Variants in P2RY13 observed in about 807,000 individuals in gnomAD.
P2RY13 encodes the protein P2Y purinoceptor 13.
For synonymous variants in P2RY13, 150 were observed against 155.1 expected (o/e 0.97, Z 0.24); for missense variants, 412 against 418.4 (o/e 0.98, Z 0.13).
Position 151,328,586 on chromosome 3 carries a change from G to C in P2RY13, c.470C>G (p.Pro157Arg). ...RPLRNIFLKK[P>R]VFAKTVSIFI... The stretch of plus-strand genomic sequence containing the variant: ...GATTGAGACCGTTTTTGCAAAAACA[G>C]GTTTTTTTAGAAAAATATTTCTCAA... The change falls in exon 2 of 2, where the codon CCT (proline) becomes CGT (arginine). Residue 157 changes from proline to arginine, a missense_variant. Pro to Arg is a moderately radical substitution (Grantham distance 103, BLOSUM62 -2). Coordinates refer to ENST00000325602, the MANE Select transcript of P2RY13 (RefSeq NM_176894.3). 6.2e-7 allele frequency: 1 copy of C among 1,613,742 alleles called. No homozygotes were observed. Among genetic ancestry groups the C allele is most frequent in the East Asian group, 2.2e-5 (1 of 44,868 alleles).
At position 151,329,038 on chromosome 3, in the gene P2RY13, A is replaced by T. The variant is rs367643722; in HGVS notation, c.49-31T>A. On this transcript the variant is annotated intron_variant, in intron 1 of 1. Coordinates refer to ENST00000325602, the MANE Select transcript of P2RY13 (RefSeq NM_176894.3). ...ACCAATAAACATATATACAAACAAA[A>T]GAAAACAAAAAGCCCTTCATGATTT... 4.0e-6 allele frequency: 6 copies of T among 1,483,582 alleles called. No individual in the cohort carries two copies. The African/African-American group carries it at 7.1e-5, about 17-fold the overall frequency. The allele number at this position is 1,483,582 out of a possible 1,614,324, so 91.9% of individuals were successfully genotyped here. A position where few individuals can be genotyped will look rare whatever the true frequency, so the allele number is the denominator to read the frequency against.
In P2RY13 at chr3:151,328,303, TTTG is replaced by T. The variant is rs1249263069; in HGVS notation, c.750_752del (p.Asn250del). The T allele has an allele frequency of 1.2e-6, 2 of 1,613,858 alleles. No individual in the cohort carries two copies. The highest frequency in any genetic ancestry group is 1.3e-5 in the African/African-American group (1 of 74,912). On this transcript the variant is annotated inframe_deletion, in exon 2 of 2. Coordinates refer to ENST00000325602, the MANE Select transcript of P2RY13 (RefSeq NM_176894.3). ...CAACAAATACTTTGCCTTCCAGCTT[TTTG>T]TTGTTTTTTCTGTCCTTACTTTTGG...
rs750682032 is a variant in P2RY13 at position 151,328,230 on chromosome 3, C to A, written c.826G>T (p.Val276Phe). 2.5e-6 allele frequency: 4 copies of A among 1,613,710 alleles called. No individual in the cohort carries two copies. The highest frequency in any genetic ancestry group is 1.3e-5 in the African/African-American group (1 of 74,996). Residue 276 changes from valine (V) to phenylalanine (F), a missense_variant, in exon 2 of 2, where the codon GTT (valine) becomes TTT (phenylalanine). By Grantham distance (50) the Val-to-Phe change is conservative. Coordinates refer to ENST00000325602, the MANE Select transcript of P2RY13 (RefSeq NM_176894.3). ...VCFAPFHFAR[V>F]PYTHSQTNNK... The stretch of plus-strand genomic sequence containing the variant: ...TTGGTTTGACTGTGAGTATATGGAA[C>A]TCTGGCAAAATGAAATGGAGCAAAA...
In P2RY13 at chr3:151,328,213, A is replaced by C; in HGVS notation, c.843T>G (p.Ser281Arg). 6.2e-7 allele frequency: 1 copy of C among 1,613,266 alleles called. No individual in the cohort carries two copies. Among genetic ancestry groups the C allele is most frequent in the Non-Finnish European group, 8.5e-7 (1 of 1,179,638 alleles). Residue 281 changes from serine (S) to arginine (R), a missense_variant, in exon 2 of 2, where the codon AGT becomes AGG. Coordinates refer to ENST00000325602, the MANE Select transcript of P2RY13 (RefSeq NM_176894.3). ...TACAGTCAGTCTTATTGTTGGTTTG[A>C]CTGTGAGTATATGGAACTCTGGCAA... Reference protein sequence around the residue: ...FHFARVPYTHSQTNNKTDCRL... With the variant: ...FHFARVPYTHRQTNNKTDCRL...
chr3:151,328,970 C>A lies in P2RY13; in HGVS notation c.86G>T (p.Gly29Val), dbSNP rs749193587. 6.2e-7 allele frequency: 1 copy of A among 1,612,488 alleles called. No individual in the cohort carries two copies. The highest frequency in any genetic ancestry group is 8.5e-7 in the Non-Finnish European group (1 of 1,179,150). ...LEAMNTTVMQ[G>V]FNRSERCPRD... ...GGGGCACCGCTCAGATCTGTTGAAG[C>A]CTTGCATCACTGTGGTGTTCATTGC... The change falls in exon 2 of 2, where the codon GGC becomes GTC. Residue 29 changes from glycine to valine, a missense_variant. Gly to Val is a moderately radical substitution (Grantham distance 109). Transcript: ENST00000325602.
Position 151,328,124 on chromosome 3 carries a change from C to A in P2RY13, c.932G>T (p.Cys311Phe). 1.9e-6 allele frequency: 3 copies of A among 1,613,058 alleles called. No homozygotes were observed. Among genetic ancestry groups the A allele is most frequent in the Non-Finnish European group, 2.5e-6 (3 of 1,179,606 alleles). Reference protein sequence around the residue: ...TTLFLAATNICMDPLIYIFLC... With the variant: ...TTLFLAATNIFMDPLIYIFLC... ...GAATATGTATATTAAGGGATCCATA[C>A]AAATGTTAGTTGCTGCCAAAAAGAG... The change falls in exon 2 of 2, where the codon TGT (cysteine) becomes TTT (phenylalanine). Residue 311 changes from cysteine (C) to phenylalanine (F), a missense_variant. By Grantham distance (205) the Cys-to-Phe change is radical. Coordinates refer to ENST00000325602, the MANE Select transcript of P2RY13 (RefSeq NM_176894.3).
chr3:151,328,738 C>G lies in P2RY13; in HGVS notation c.318G>C (p.Leu106=). 6.2e-7 allele frequency: 1 copy of G among 1,613,960 alleles called. No homozygotes were observed. Among genetic ancestry groups the G allele is most frequent in the South Asian group, 1.1e-5 (1 of 91,060 alleles). The change falls in exon 2 of 2, where the codon CTG becomes CTC. Residue 106 remains leucine (L), a synonymous_variant. Transcript: ENST00000325602. Reference sequence around the variant, plus strand: ...CAAAAGCTCTGAGCTGCCAGGGTGCCAGGTGTGAGTCAGAGAGGATTTTGA... The same window carrying G: ...CAAAAGCTCTGAGCTGCCAGGGTGCGAGGTGTGAGTCAGAGAGGATTTTGA... ...LPFKILSDSH[L]APWQLRAFVC...
chr3:151,329,516 T>G lies in P2RY13; in HGVS notation c.13A>C (p.Ile5Leu). The G allele has an allele frequency of 6.5e-7, 1 of 1,548,520 alleles. No individual in the cohort carries two copies. The highest frequency in any genetic ancestry group is 2.5e-5 in the East Asian group (1 of 40,784). Residue 5 changes from isoleucine to leucine, a missense_variant, in exon 1 of 2, where the codon ATA becomes CTA. By Grantham distance (5) the Ile-to-Leu change is conservative. Coordinates refer to ENST00000325602, the MANE Select transcript of P2RY13 (RefSeq NM_176894.3). ...ATACTCAGTTCTCTCTGTCTTCTTA[T>G]GGCGGCAGTCATTAGTTCAGCCTAC... The part of the protein sequence containing the change: MTAA[I>L]RRQRELSILP...
chr3:151,328,683 C>T lies in P2RY13; in HGVS notation c.373G>A (p.Glu125Lys), dbSNP rs1749980692. 1 of 1,612,394 alleles carries T rather than the reference C, an allele frequency of 6.2e-7. No individual in the cohort carries two copies. Among genetic ancestry groups the T allele is most frequent in the Non-Finnish European group, 8.5e-7 (1 of 1,178,682 alleles). Residue 125 changes from glutamate (E) to lysine (K), a missense_variant, in exon 2 of 2, where the codon GAG (glutamate) becomes AAG (lysine). Glu to Lys is a moderately conservative substitution (Grantham distance 56). Coordinates refer to ENST00000325602, the MANE Select transcript of P2RY13 (RefSeq NM_176894.3). ...AGCACGATGCCCACATACATGGTCT[C>T]ATAAAATATCACCGAAGAAAAACGA... ...VCRFSSVIFYETMYVGIVLLG... is the reference protein window; with the variant it reads ...VCRFSSVIFYKTMYVGIVLLG...
chr3:151,327,734 T>TTA lies in P2RY13; in HGVS notation c.*256_*257insTA, dbSNP rs1749806079. 4.0e-6 allele frequency: 1 copy of TTA among 252,030 alleles called. No individual in the cohort carries two copies. Among genetic ancestry groups the TTA allele is most frequent in the Non-Finnish European group, 7.2e-6 (1 of 138,496 alleles). The allele number at this position is 252,030 out of a possible 1,614,324, so 15.6% of individuals were successfully genotyped here. A position where few individuals can be genotyped will look rare whatever the true frequency, so the allele number is the denominator to read the frequency against. Reference sequence around the variant, plus strand: ...TGTTAAAGTGAAATGCTCTTGAAATTAAAAAAAAAAAAAAAGAAAGAAAGA... The same window carrying TTA: ...TGTTAAAGTGAAATGCTCTTGAAATTTAAAAAAAAAAAAAAAAGAAAGAAAGA... On this transcript the variant is annotated 3_prime_UTR_variant, in exon 2 of 2. Coordinates refer to ENST00000325602, the MANE Select transcript of P2RY13 (RefSeq NM_176894.3).
rs569431405 is a variant in P2RY13, at chr3:151,328,341, A to G, written c.715T>C (p.Tyr239His). 1.8e-5 allele frequency: 29 copies of G among 1,613,238 alleles called. No individual in the cohort carries two copies. The South Asian group carries it at 3.0e-4, about 17-fold the overall frequency. Residue 239 changes from tyrosine to histidine, a missense_variant, in exon 2 of 2, where the codon TAT (tyrosine) becomes CAT (histidine). Tyr to His is a moderately conservative substitution (Grantham distance 83). Transcript: ENST00000325602. ...VVIAKKVYDS[Y>H]RKSKSKDRKN... ...CTGTCCTTACTTTTGGACTTTCTAT[A>G]AGAATCATATACTTTTTTTGCAATA...
rs147188000 is a variant in P2RY13 at position 151,328,587 on chromosome 3, G to T, written c.469C>A (p.Pro157Thr). ...RPLRNIFLKKPVFAKTVSIFI... is the reference protein window; with the variant it reads ...RPLRNIFLKKTVFAKTVSIFI... ...ATTGAGACCGTTTTTGCAAAAACAG[G>T]TTTTTTTAGAAAAATATTTCTCAAA... Residue 157 changes from proline (P) to threonine (T), a missense_variant, in exon 2 of 2, where the codon CCT becomes ACT. By Grantham distance (38) the Pro-to-Thr change is conservative. Coordinates refer to ENST00000325602, the MANE Select transcript of P2RY13 (RefSeq NM_176894.3). The T allele has an allele frequency of 8.1e-6, 13 of 1,613,396 alleles. No homozygotes were observed. In the African/African-American group the frequency reaches 1.5e-4, roughly 18 times the overall value.
Position 151,328,812 on chromosome 3 carries a change from G to C in P2RY13, c.244C>G (p.Leu82Val). Residue 82 changes from leucine (L) to valine (V), a missense_variant, in exon 2 of 2, where the codon CTC becomes GTC. By Grantham distance (32) the Leu-to-Val change is conservative. Transcript: ENST00000325602. ...IPSSSTFIIYLKNTLVADLIM... is the reference protein window; with the variant it reads ...IPSSSTFIIYVKNTLVADLIM... ...AAGTCGGCCACCAAAGTGTTTTTGA[G>C]GTAGATGATGAAGGTGGAGGAGCTG... 1.2e-6 allele frequency: 2 copies of C among 1,613,954 alleles called. No homozygotes were observed. The highest frequency in any genetic ancestry group is 1.7e-6 in the Non-Finnish European group (2 of 1,179,930).
rs770644573 is a variant in P2RY13, at chr3:151,328,041, A to T, written c.1015T>A (p.Ser339Thr). ...TGACTGCTATGATTTTCTTGGCTTGATGCTGTGGTCTTTCTCCCTTGCATA... is the reference window on the plus strand; with the variant it reads ...TGACTGCTATGATTTTCTTGGCTTGTTGCTGTGGTCTTTCTCCCTTGCATA... Reference protein sequence around the residue: ...PCMQGRKTTASSQENHSSQTD... With the variant: ...PCMQGRKTTATSQENHSSQTD... The change falls in exon 2 of 2, where the codon TCA (serine) becomes ACA (threonine). Residue 339 changes from serine (S) to threonine (T), a missense_variant. Transcript: ENST00000325602. 1.2e-6 allele frequency: 2 copies of T among 1,602,186 alleles called. No individual in the cohort carries two copies. The highest frequency in any genetic ancestry group is 1.3e-5 in the African/African-American group (1 of 74,202).
Position 151,326,456 on chromosome 3 carries a change from A to G in P2RY13, c.*1535T>C, listed in dbSNP as rs1250879876. ...AGTTTAATAATATAGGTGTGACAGC[A>G]TACAGAGGAGGGGGTGATTGGGTTT... On this transcript the variant is annotated 3_prime_UTR_variant, in exon 2 of 2. Coordinates refer to ENST00000325602, the MANE Select transcript of P2RY13 (RefSeq NM_176894.3). 1 of 152,666 alleles carries G rather than the reference A, an allele frequency of 6.6e-6. No individual in the cohort carries two copies. The highest frequency in any genetic ancestry group is 2.4e-5 in the African/African-American group (1 of 41,458). The allele number at this position is 152,666 out of a possible 1,614,324, so 9.5% of individuals were successfully genotyped here. A position where few individuals can be genotyped will look rare whatever the true frequency, so the allele number is the denominator to read the frequency against.
rs1309517390 is a variant in P2RY13, at chr3:151,326,445, G to A, written c.*1546C>T. On this transcript the variant is annotated 3_prime_UTR_variant, in exon 2 of 2. Transcript: ENST00000325602. ...GCAATGTGATAAGTTTAATAATATAGGTGTGACAGCATACAGAGGAGGGGG... is the reference window on the plus strand; with the variant it reads ...GCAATGTGATAAGTTTAATAATATAAGTGTGACAGCATACAGAGGAGGGGG... 2.0e-5 allele frequency: 3 copies of A among 152,574 alleles called. No individual in the cohort carries two copies. Among genetic ancestry groups the A allele is most frequent in the African/African-American group, 7.2e-5 (3 of 41,418 alleles). The allele number at this position is 152,574 out of a possible 1,614,324, so 9.5% of individuals were successfully genotyped here. A position where few individuals can be genotyped will look rare whatever the true frequency, so the allele number is the denominator to read the frequency against.
chr3:151,328,051 C>T lies in P2RY13; in HGVS notation c.1005G>A (p.Lys335=), dbSNP rs1749861685. The T allele has an allele frequency of 6.2e-7, 1 of 1,605,814 alleles. No homozygotes were observed. The highest frequency in any genetic ancestry group is 8.5e-7 in the Non-Finnish European group (1 of 1,177,122). The change falls in exon 2 of 2, where the codon AAG becomes AAA. Residue 335 remains lysine, a synonymous_variant. Coordinates refer to ENST00000325602, the MANE Select transcript of P2RY13 (RefSeq NM_176894.3). ...GATTTTCTTGGCTTGATGCTGTGGT[C>T]TTTCTCCCTTGCATACATGGTAGCT... is the stretch of plus-strand genomic sequence containing the variant. ...TEKLPCMQGR[K]TTASSQENHS... is the part of the protein sequence containing the mutation.
In P2RY13 at chr3:151,328,462, C is replaced by T. The variant is rs1378545842; in HGVS notation, c.594G>A (p.Lys198=). The T allele has an allele frequency of 1.9e-6, 3 of 1,613,970 alleles. No homozygotes were observed. Among genetic ancestry groups the T allele is most frequent in the Non-Finnish European group, 2.5e-6 (3 of 1,179,900 alleles). The change falls in exon 2 of 2, where the codon AAG becomes AAA. Residue 198 remains lysine, a synonymous_variant. Transcript: ENST00000325602. ...GATGCCATTTCAGCCCCAGAGGCCCCTTTAAGGAAGCACACTTTTTCACAG... is the reference window on the plus strand; with the variant it reads ...GATGCCATTTCAGCCCCAGAGGCCCTTTTAAGGAAGCACACTTTTTCACAG... ...PSSVKKCASL[K]GPLGLKWHQM...
chr3:151,328,610 A>C lies in P2RY13; in HGVS notation c.446T>G (p.Leu149Trp). ...AGGTTTTTTTAGAAAAATATTTCTC[A>C]AAGGTCTGATGATCTTGAGGAATCT... ...FDRFLKIIRP[L>W]RNIFLKKPVF... Residue 149 changes from leucine (L) to tryptophan (W), a missense_variant, in exon 2 of 2, where the codon TTG becomes TGG. Leu to Trp is a moderately conservative substitution (Grantham distance 61). Transcript: ENST00000325602. 1 of 1,613,848 alleles carries C rather than the reference A, an allele frequency of 6.2e-7. No individual in the cohort carries two copies. The highest frequency in any genetic ancestry group is 2.2e-5 in the East Asian group (1 of 44,878).
Sources: allele counts gnomAD v4.1 joint callset, GRCh38; gene constraint gnomAD v4.1.1; transcripts MANE v1.5; gene names NCBI Gene and HGNC (gene_info 2026-07-23, HGNC 2026-07-21).